PIEZO2: variants seen among roughly 807,000 people sequenced by gnomAD.
PIEZO2 encodes the protein piezo-type mechanosensitive ion channel component 2.
PIEZO2 carries 172 observed loss-of-function variants against 337.3 expected under a neutral mutation model. The ratio of observed to expected loss-of-function variants is 0.51; its 90% CI spans 0.45 to 0.58. The LOEUF (loss-of-function observed/expected upper bound fraction) is 0.58, where lower values mean the gene tolerates loss of function less well. Ranked by LOEUF, PIEZO2 falls within the 20% of genes least tolerant of loss-of-function variation. PIEZO2 has a pLI of 0.00. For synonymous variants in PIEZO2, 1,251 were observed against 1,228.5 expected (o/e 1.02, Z -0.38); for missense variants, 3,028 against 3,391.3 (o/e 0.89, Z 2.66).
In PIEZO2 at chr18:10,676,321, G is replaced by A. The variant is rs1396133082; in HGVS notation, c.8082-1033C>T. 6.6e-6 allele frequency among the ~76,000 whole-genome samples: 1 copy of A among 152,156 alleles called. No individual in the cohort carries two copies. The highest frequency in any genetic ancestry group is 1.9e-4 in the East Asian group (1 of 5,192). ...ATCCATATATTCCATGCATTACAAT[G>A]GGGCCAGGGCAGTCTGGAGGACAAA... On this transcript the variant is annotated intron_variant, in intron 53 of 55. Coordinates refer to ENST00000674853, the MANE Select transcript of PIEZO2 (RefSeq NM_001378183.1). The surrounding 1 kb of genome is among the most constrained non-coding windows in gnomAD (Gnocchi z 5.1).
At chr18:10,693,123 A>G (rs2034924154) in intron 47 of PIEZO2, among the ~76,000 whole-genome samples, 1 of 152,186 alleles carries the variant, frequency 6.6e-6, no homozygotes, top group Admixed American at 6.5e-5. Flanking sequence ...TAAATATGAT[A>G]GTTTTTCATA....
At chr18:10,832,926 G>C (rs2040890630) in intron 7 of PIEZO2, among the ~76,000 whole-genome samples, 1 of 152,072 alleles carries the variant, frequency 6.6e-6, no homozygotes, top group African/African-American at 2.4e-5. Flanking sequence ...CAGGTCCCTA[G>C]GCTGGAGGAG....
chr18:10,672,787 C>T lies in PIEZO2; in HGVS notation c.8248G>A (p.Gly2750Arg). Residue 2750 changes from glycine (G) to arginine (R), a missense_variant, in exon 55 of 56, where the codon GGA becomes AGA. By Grantham distance (125) the Gly-to-Arg change is moderately radical. Around this residue, in one of 5 missense-constraint regions of PIEZO2, gnomAD observed 332 missense variants for 363.8 expected, o/e 0.91. Transcript: ENST00000674853. This position sits in a 1 kb window ranked among gnomAD's most constrained non-coding sequence, Gnocchi z 4.7. ...NSEWWVLNLT[G>R]NRIYNPNSQA... ...GAGTTCGGATTGTATATTCTGTTTC[C>T]AGTCAGGTTGAGAACCCACCACTCA... 5 of 1,613,922 alleles carry T rather than the reference C, an allele frequency of 3.1e-6. No individual in the cohort carries two copies. The highest frequency in any genetic ancestry group is 1.3e-5 in the African/African-American group (1 of 75,002).
At chr18:10,731,177 TTATATA>T (rs60508630) in intron 36 of PIEZO2, among the ~76,000 whole-genome samples, 1,208 of 35,020 alleles carry the variant, frequency 0.034, 9 homozygotes, top group Admixed American at 0.057. Context: ...ACTTAAAAGA[TTATATA>T]TATATATATA....
At chr18:10,964,046 G>C (rs1167380970) in intron 3 of PIEZO2, among the ~76,000 whole-genome samples, 1 of 152,152 alleles carries the variant, frequency 6.6e-6, no homozygotes, top group Non-Finnish European at 1.5e-5. Context: ...TTGTGAATGA[G>C]TGAAGCTCAT....
Position 11,092,819 on chromosome 18 carries a change from C to T in PIEZO2, c.65-26597G>A, listed in dbSNP as rs1250728596. 6.6e-6 allele frequency among the ~76,000 whole-genome samples: 1 copy of T among 152,218 alleles called. No individual in the cohort carries two copies. Among genetic ancestry groups the T allele is most frequent in the African/African-American group, 2.4e-5 (1 of 41,446 alleles). ...GCATGAGGACCTTCTGTGGCCCCCT[C>T]ATCCCTTCACAGGGCCACATATCTG... On this transcript the variant is annotated intron_variant, in intron 1 of 55. Transcript: ENST00000674853. This position sits in a 1 kb window ranked among gnomAD's most constrained non-coding sequence, Gnocchi z 4.5.
At chr18:11,090,662 C>T (rs565543806) in intron 1 of PIEZO2, among the ~76,000 whole-genome samples, 96 of 152,136 alleles carry the variant, frequency 6.3e-4, no homozygotes, top group African/African-American at 2.2e-3. Context: ...ACAAACACAT[C>T]CCCCACTTCC....
intron 3 of PIEZO2, among the ~76,000 whole-genome samples, chr18:10,930,435 C>A (rs191358201): frequency 6.6e-6 from 1 of 152,208 alleles, no homozygotes; most frequent in Non-Finnish European, 1.5e-5. Context: ...ATGACTTAGA[C>A]GTTCCCCCTT....
intron 5 of PIEZO2, among the ~76,000 whole-genome samples, chr18:10,858,544 C>T (rs1475621525): frequency 6.6e-6 from 1 of 152,056 alleles, no homozygotes; most frequent in African/African-American, 2.4e-5. Context: ...GGTCTGGCCT[C>T]TCCATGTTCC....
chr18:10,929,842 C>T lies in PIEZO2; in HGVS notation c.287-18614G>A, dbSNP rs1412334246. On this transcript the variant is annotated intron_variant, in intron 3 of 55. Coordinates refer to ENST00000674853, the MANE Select transcript of PIEZO2 (RefSeq NM_001378183.1). The surrounding 1 kb of genome is among the most constrained non-coding windows in gnomAD (Gnocchi z 5.6). ...TAAACAAAAATAAAATTCTAAGGCC[C>T]CCAAGAGACTGAATGGACTGCCCCT... 6.6e-6 allele frequency among the ~76,000 whole-genome samples: 1 copy of T among 152,056 alleles called. No homozygotes were observed. Among genetic ancestry groups the T allele is most frequent in the East Asian group, 1.9e-4 (1 of 5,182 alleles).
At chr18:10,914,101 A>G (rs1226383996) in intron 3 of PIEZO2, among the ~76,000 whole-genome samples, 1 of 152,154 alleles carries the variant, frequency 6.6e-6, no homozygotes, top group Non-Finnish European at 1.5e-5. Context: ...TTGCTGGGGA[A>G]TTCTTTTAAA....
chr18:11,043,439 A>G (rs1021294499), intron 2 of PIEZO2, among the ~76,000 whole-genome samples: 1 of 152,228 alleles, frequency 6.6e-6, no homozygotes, highest in African/African-American at 2.4e-5. Flanking sequence ...CTGAAATTCA[A>G]ACAATTTATC....
At position 10,680,255 on chromosome 18, in the gene PIEZO2, G is replaced by A. The variant is rs756393774; in HGVS notation, c.7896C>T (p.His2632=). The stretch of plus-strand genomic sequence containing the variant: ...AGCTACTATTGGGGTCCAGGAGTTC[G>A]TGTATCATTTTCTGCTTACTGGGTG... ...ISPPSKQKMI[H]ELLDPNSSFS... The change falls in exon 52 of 56, where the codon CAC becomes CAT. Residue 2632 remains histidine (H), a synonymous_variant. Transcript: ENST00000674853. 1.3e-5 allele frequency: 21 copies of A among 1,613,818 alleles called. No homozygotes were observed. The highest frequency in any genetic ancestry group is 4.4e-5 in the South Asian group (4 of 91,078).
chr18:10,733,700 G>A (rs1464279369), intron 35 of PIEZO2, among the ~76,000 whole-genome samples: 3 of 152,044 alleles, frequency 2.0e-5, no homozygotes, highest in Non-Finnish European at 2.9e-5. Flanking sequence ...TGCCCGCCTC[G>A]GCCTCCCAAA....
Position 10,673,234 on chromosome 18 carries a change from A to C in PIEZO2, c.8162-361T>G, listed in dbSNP as rs1358943438. Among the ~76,000 whole-genome samples the C allele has an allele frequency of 2.0e-5, 3 of 152,240 alleles. No individual in the cohort carries two copies. Among genetic ancestry groups the C allele is most frequent in the Non-Finnish European group, 4.4e-5 (3 of 68,046 alleles). ...TGTGATCAAATCAACCAGTCCATTC[A>C]TATTACCAGCATTTGTTGCATGTCT... On this transcript the variant is annotated intron_variant, in intron 54 of 55. Transcript: ENST00000674853. This position sits in a 1 kb window ranked among gnomAD's most constrained non-coding sequence, Gnocchi z 4.8.
intron 3 of PIEZO2, among the ~76,000 whole-genome samples, chr18:10,930,501 T>G: frequency 6.6e-6 from 1 of 152,360 alleles, no homozygotes; most frequent in Non-Finnish European, 1.5e-5. Flanking sequence ...TGCCTGTAAC[T>G]TCTGTCCCCT....
Position 10,689,808 on chromosome 18 carries a change from A to G in PIEZO2, c.7350-6T>C. The G allele has an allele frequency of 6.2e-7, 1 of 1,603,534 alleles. No homozygotes were observed. On this transcript the variant is annotated splice_polypyrimidine_tract_variant and splice_region_variant and intron_variant, in intron 48 of 55. Coordinates refer to ENST00000674853, the MANE Select transcript of PIEZO2 (RefSeq NM_001378183.1). Reference sequence around the variant, plus strand: ...AAAAGGGCACGAGGCGAAACCTGGCAGGAAACACATCTCGTCAGAGAGACA... The same window carrying G: ...AAAAGGGCACGAGGCGAAACCTGGCGGGAAACACATCTCGTCAGAGAGACA...
intron 4 of PIEZO2, among the ~76,000 whole-genome samples, chr18:10,879,469 C>T (rs1363459815): frequency 7.1e-6 from 1 of 140,640 alleles, no homozygotes; most frequent in Non-Finnish European, 1.5e-5. Context: ...GATCTCGGCT[C>T]ACTGCAAGCT....
intron 23 of PIEZO2, among the ~76,000 whole-genome samples, chr18:10,761,783 G>C (rs1289797559): frequency 2.0e-5 from 3 of 152,088 alleles, no homozygotes; most frequent in African/African-American, 4.8e-5. Flanking sequence ...AAAGAAAATG[G>C]GCTGCTTAAT....
Sources: allele counts gnomAD v4.1 joint callset (sites outside exome capture counted in the v4.1 genomes callset), GRCh38; gene constraint gnomAD v4.1.1; regional missense constraint gnomAD v4.1.1; non-coding constraint Gnocchi (gnomAD v3.1); transcripts MANE v1.5; gene names NCBI Gene and HGNC (gene_info 2026-07-23, HGNC 2026-07-21).